The following ESPNL variants were observed in gnomAD, a reference collection of about 807,000 sequenced individuals.
The protein encoded by ESPNL is espin like.
A neutral mutation model predicts 46.8 loss-of-function variants in ESPNL; 49 were observed. The ratio of observed to expected loss-of-function variants is 1.05; its 90% CI spans 0.83 to 1.33. ESPNL has a LOEUF of 1.33. Among genes scored for constraint, ESPNL ranks in the 40% most tolerant of loss-of-function variants. The pLI, the probability that ESPNL is intolerant of heterozygous loss-of-function variation, is 0.00. For synonymous variants in ESPNL, 664 were observed against 662.1 expected (o/e 1.00, Z -0.04); for missense variants, 1,540 against 1,436.6 (o/e 1.07, Z -1.16).
chr2:238,131,379 C>G lies in ESPNL; in HGVS notation c.2665C>G (p.Leu889Val). Residue 889 changes from leucine to valine, a missense_variant, in exon 9 of 9, where the codon CTG becomes GTG. Leu to Val is a conservative substitution (Grantham distance 32, BLOSUM62 1). Coordinates refer to ENST00000343063, the MANE Select transcript of ESPNL (RefSeq NM_194312.4). ...HLLCFEVFEH[L>V]GTHGWEAVRA... ...GCTGTGCTTCGAGGTCTTCGAGCAC[C>G]TGGGCACCCACGGCTGGGAGGCTGT... 6.2e-7 allele frequency: 1 copy of G among 1,604,852 alleles called. No homozygotes were observed. The highest frequency in any genetic ancestry group is 1.3e-5 in the African/African-American group (1 of 74,926).
At chr2:238,116,657 C>G (rs1691820596) in intron 4 of ESPNL, among the ~76,000 whole-genome samples, 1 of 152,218 alleles carries the variant, frequency 6.6e-6, no homozygotes, top group African/African-American at 2.4e-5. Context: ...TGCCTGTCAG[C>G]TCAGCACTGC....
intron 6 of ESPNL, 69 bp from the exon 7 acceptor site, chr2:238,127,553 T>TCC (rs1692167198): frequency 6.7e-7 from 1 of 1,495,696 alleles, no homozygotes; most frequent in Admixed American, 2.2e-5. Flanking sequence ...CAGGGCCGGA[T>TCC]CCCCGAGGCT....
At chr2:238,121,525 G>A (rs1209819808) in intron 5 of ESPNL, among the ~76,000 whole-genome samples, 2 of 152,224 alleles carry the variant, frequency 1.3e-5, no homozygotes, top group African/African-American at 4.8e-5. Context: ...AGCCTCCCAA[G>A]TAGCTGGGAC....
At chr2:238,127,783 C>A in intron 7 of ESPNL, 49 bp downstream of exon 7, 8 of 1,409,580 alleles carry the variant, frequency 5.7e-6, no homozygotes, top group Non-Finnish European at 7.9e-6. Context: ...CCTAGCCAGC[C>A]TCCATTCCCA....
In ESPNL at chr2:238,130,164, G is replaced by A; in HGVS notation, c.1450G>A (p.Ala484Thr). 1.2e-6 allele frequency: 2 copies of A among 1,612,856 alleles called. No individual in the cohort carries two copies. The highest frequency in any genetic ancestry group is 1.7e-6 in the Non-Finnish European group (2 of 1,179,888). Reference sequence around the variant, plus strand: ...GAGCTCAGGCCCCACGGAGCAGGCGGCCTGGAGGTACTCACAGACTCATCA... The same window carrying A: ...GAGCTCAGGCCCCACGGAGCAGGCGACCTGGAGGTACTCACAGACTCATCA... Reference protein sequence around the residue: ...GGSSGPTEQAAWRYSQTHQAI... With the variant: ...GGSSGPTEQATWRYSQTHQAI... Residue 484 changes from alanine (A) to threonine (T), a missense_variant, in exon 9 of 9, where the codon GCC becomes ACC. Transcript: ENST00000343063.
chr2:238,119,434 G>A (rs1385179488), intron 5 of ESPNL, among the ~76,000 whole-genome samples: 1 of 134,160 alleles, frequency 7.5e-6, no homozygotes, highest in Admixed American at 7.2e-5. Context: ...AGATGGAGGA[G>A]GGGAGGTGGA....
At chr2:238,126,082 G>A (rs933361927) in intron 6 of ESPNL, among the ~76,000 whole-genome samples, 4 of 151,736 alleles carry the variant, frequency 2.6e-5, no homozygotes, top group African/African-American at 7.3e-5. Flanking sequence ...ATGTGTGTCT[G>A]TGTGTGACTA....
At position 238,104,508 on chromosome 2, in the gene ESPNL, G is replaced by A. The variant is rs1019637048; in HGVS notation, c.486-148G>A. ...AGCCACCTGGGGGAGCAACCTGGAGGGGGGAACCCCGCAGCAGCAGCTGGA... is the reference window on the plus strand; with the variant it reads ...AGCCACCTGGGGGAGCAACCTGGAGAGGGGAACCCCGCAGCAGCAGCTGGA... On this transcript the variant is annotated intron_variant, in intron 2 of 8. Transcript: ENST00000343063. 1.4e-5 allele frequency: 13 copies of A among 921,072 alleles called. No individual in the cohort carries two copies. The East Asian group carries it at 1.5e-4, about 11-fold the overall frequency. The allele number at this position is 921,072 out of a possible 1,614,324, so 57.1% of individuals were successfully genotyped here. A position where few individuals can be genotyped will look rare whatever the true frequency, so the allele number is the denominator to read the frequency against.
intron 5 of ESPNL, among the ~76,000 whole-genome samples, chr2:238,122,933 G>A (rs576651843): frequency 1.1e-4 from 16 of 152,198 alleles, no homozygotes; most frequent in African/African-American, 2.7e-4. Context: ...AAGCAGCGAC[G>A]CCAGCCTCTC....
intron 6 of ESPNL, 152 bp from the exon 7 acceptor site, chr2:238,127,470 G>A: frequency 3.7e-6 from 5 of 1,352,928 alleles, no homozygotes; most frequent in Non-Finnish European, 4.8e-6. Flanking sequence ...TGGGGCCCCC[G>A]AGGTGTTCTG....
intron 4 of ESPNL, among the ~76,000 whole-genome samples, chr2:238,112,138 G>C (rs540027121): frequency 6.6e-6 from 1 of 150,664 alleles, no homozygotes; most frequent in Admixed American, 6.6e-5. Context: ...GGATCTGGCT[G>C]TTTCTTTGAG....
chr2:238,130,012 T>G, intron 8 of ESPNL, 116 bp from the exon 9 acceptor site: 5 of 1,213,090 alleles, frequency 4.1e-6, no homozygotes, highest in Non-Finnish European at 5.7e-6. Flanking sequence ...AAGTCTTACC[T>G]TGGGGCAGGA....
chr2:238,100,987 C>T (rs1213261616), intron 1 of ESPNL, among the ~76,000 whole-genome samples: 1 of 152,212 alleles, frequency 6.6e-6, no homozygotes, highest in Non-Finnish European at 1.5e-5. Context: ...ATATCAGGAC[C>T]CCTGTCTCTG....
At chr2:238,125,136 C>T in intron 5 of ESPNL, 134 bp from the exon 6 acceptor site, 2 of 500,950 alleles carry the variant, frequency 4.0e-6, no homozygotes, top group Non-Finnish European at 7.2e-6. Context: ...CTCCTGCCAC[C>T]TCCTTACCTG....
chr2:238,119,100 AGAGGATGGATGGAGGAG>A (rs1691910135), intron 5 of ESPNL, among the ~76,000 whole-genome samples: 1 of 87,252 alleles, frequency 1.1e-5, no homozygotes, highest in South Asian at 4.1e-4. Flanking sequence ...AGTGGATGGA[AGAGGATGGATGGAGGAG>A]AAGTGGATGA....
chr2:238,132,766 T>G lies in ESPNL; in HGVS notation c.*1034T>G, dbSNP rs1044691256. On this transcript the variant is annotated 3_prime_UTR_variant, in exon 9 of 9. Transcript: ENST00000343063. ...CAGCTTCTGATGGCAGCCAGGAGAA[T>G]GGGTCATCACCCAGGCTCTGGGGCT... 6.6e-6 allele frequency: 1 copy of G among 152,284 alleles called. No individual in the cohort carries two copies. The highest frequency in any genetic ancestry group is 1.5e-5 in the Non-Finnish European group (1 of 68,150). 9.4% of individuals were successfully genotyped at this position (152,284 alleles called of 1,614,324 possible). A position where few individuals can be genotyped will look rare whatever the true frequency, so the allele number is the denominator to read the frequency against.
intron 6 of ESPNL, among the ~76,000 whole-genome samples, chr2:238,126,382 G>A (rs1692115849): frequency 6.7e-6 from 1 of 149,718 alleles, no homozygotes; most frequent in African/African-American, 2.5e-5. Flanking sequence ...CTTTGTGATT[G>A]TGTGTCTCTG....
rs1230093560 is a variant in ESPNL at position 238,128,841 on chromosome 2, G to A, written c.1350G>A (p.Lys450=). ...GCGGCCAGCCCATCCCAGAGTGGAA[G>A]CGGCAGGTGATGGTGCGGAAGCTGC... ...DERGQPIPEW[K]RQVMVRKLQA... is the part of the protein sequence containing the mutation. The change falls in exon 8 of 9, where the codon AAG becomes AAA. Residue 450 remains lysine (K), a synonymous_variant. Transcript: ENST00000343063. 1.3e-6 allele frequency: 2 copies of A among 1,549,364 alleles called. No homozygotes were observed. The highest frequency in any genetic ancestry group is 2.4e-5 in the East Asian group (1 of 40,942).
intron 8 of ESPNL, chr2:238,129,371 C>A: frequency 1.8e-6 from 1 of 558,766 alleles, no homozygotes; most frequent in Non-Finnish European, 2.3e-6. Context: ...AGAGGGGGAG[C>A]CCTGTGGGAA....
Sources: gnomAD v4.1 joint callset for allele counts (sites outside exome capture counted in the v4.1 genomes callset) on GRCh38, gnomAD v4.1.1 for gene constraint, MANE v1.5 for transcripts, NCBI Gene and HGNC (gene_info 2026-07-23, HGNC 2026-07-21) for gene names.